LMF2: variants seen among roughly 807,000 people sequenced by gnomAD.
LMF2 encodes the protein transmembrane protein 112B.
LMF2 carries 113 observed loss-of-function variants against 81.5 expected under a neutral mutation model. That is an observed-to-expected ratio of 1.39 (90% CI 1.19 to 1.62). The LOEUF (loss-of-function observed/expected upper bound fraction) is 1.62. Among genes scored for constraint, LMF2 ranks in the 40% most tolerant of loss-of-function variants. LMF2 has a pLI of 0.00. For synonymous variants in LMF2, 645 were observed against 424.5 expected (o/e 1.52, Z -6.39); for missense variants, 1,235 against 929.1 (o/e 1.33, Z -4.28).
In LMF2 at chr22:50,505,045, A is replaced by T; in HGVS notation, c.1254+12T>A. On this transcript the variant is annotated intron_variant, in intron 9 of 13. Coordinates refer to ENST00000474879, the MANE Select transcript of LMF2 (RefSeq NM_033200.3). ...CCCCCAGCCCATCCCCCAGCCCTGC[A>T]GCGCTACCCACCAGGCTAATCAGGA... The T allele has an allele frequency of 6.2e-7, 1 of 1,612,818 alleles. No homozygotes were observed. The highest frequency in any genetic ancestry group is 8.5e-7 in the Non-Finnish European group (1 of 1,179,904).
At position 50,503,675 on chromosome 22, in the gene LMF2, TG is replaced by T. The variant is rs2068466345; in HGVS notation, c.1839del (p.Ser614AlafsTer43). 2 of 1,173,460 alleles carry T rather than the reference TG, an allele frequency of 1.7e-6. No individual in the cohort carries two copies. Among genetic ancestry groups the T allele is most frequent in the African/African-American group, 3.4e-5 (2 of 58,374 alleles). The allele number at this position is 1,173,460 out of a possible 1,614,324, so 72.7% of individuals were successfully genotyped here. A position where few individuals can be genotyped will look rare whatever the true frequency, so the allele number is the denominator to read the frequency against. On this transcript the variant is annotated frameshift_variant, in exon 14 of 14. Coordinates refer to ENST00000474879, the MANE Select transcript of LMF2 (RefSeq NM_033200.3). LOFTEE classifies it low-confidence loss of function (END_TRUNC). ...GLQEKSPPRT[R>X]SANSTLAQAL... ...GCCTGGGCCAGGGTGCTGTTGGCGC[TG>T]CGGGTGCGAGGTGGGCTTTTCTCCT...
In LMF2 at chr22:50,506,032, CA is replaced by C; in HGVS notation, c.774+2del. On this transcript the variant is annotated splice_donor_variant, in intron 5 of 13. Transcript: ENST00000474879. LOFTEE classifies it high-confidence loss of function. ...CTCTCTGACAGCTGCGGCCCTCACC[CA>C]CCTGCGAGTAGAAAGCAGCCAAGCG... The C allele has an allele frequency of 1.3e-6, 2 of 1,579,864 alleles. No homozygotes were observed. Among genetic ancestry groups the C allele is most frequent in the Non-Finnish European group, 1.7e-6 (2 of 1,162,870 alleles).
rs759447107 is a variant in LMF2, at chr22:50,506,282, C to G, written c.595+3G>C. The G allele has an allele frequency of 6.5e-7, 1 of 1,548,854 alleles. No individual in the cohort carries two copies. The highest frequency in any genetic ancestry group is 8.7e-7 in the Non-Finnish European group (1 of 1,146,146). ...TACCCCAGGTCCAGACCGGGCCCCT[C>G]ACCAGTGAGCCCCCACCACGCAGGG... On this transcript the variant is annotated splice_donor_region_variant and intron_variant, in intron 4 of 13. Coordinates refer to ENST00000474879, the MANE Select transcript of LMF2 (RefSeq NM_033200.3).
At chr22:50,505,026 G>A (rs777556873) in intron 9 of LMF2, 31 bp downstream of exon 9, 6 of 1,612,382 alleles carry the variant, frequency 3.7e-6, no homozygotes, top group Non-Finnish European at 5.1e-6. Flanking sequence ...CCTGCCCCCA[G>A]CCCATCCCCC....
At position 50,506,753 on chromosome 22, in the gene LMF2, A is replaced by G. The variant is rs746552980; in HGVS notation, c.348+29T>C. On this transcript the variant is annotated intron_variant, in intron 2 of 13. Coordinates refer to ENST00000474879, the MANE Select transcript of LMF2 (RefSeq NM_033200.3). ...GGGGTGGGTGGTGGGGGTTGGAGAT[A>G]GAGTGAGCTGGTCACAGGTCCCACT... is the stretch of plus-strand genomic sequence containing the variant. The G allele has an allele frequency of 5.0e-6, 8 of 1,612,406 alleles. No individual in the cohort carries two copies. The East Asian group carries it at 1.6e-4, about 31-fold the overall frequency.
In LMF2 at chr22:50,505,045, A is replaced by G. The variant is rs935910869; in HGVS notation, c.1254+12T>C. 74 of 1,612,700 alleles carry G rather than the reference A, an allele frequency of 4.6e-5. No homozygotes were observed. Among genetic ancestry groups the G allele is most frequent in the Non-Finnish European group, 6.0e-5 (71 of 1,179,912 alleles). Reference sequence around the variant, plus strand: ...CCCCCAGCCCATCCCCCAGCCCTGCAGCGCTACCCACCAGGCTAATCAGGA... The same window carrying G: ...CCCCCAGCCCATCCCCCAGCCCTGCGGCGCTACCCACCAGGCTAATCAGGA... On this transcript the variant is annotated intron_variant, in intron 9 of 13. Transcript: ENST00000474879.
chr22:50,505,493 G>A lies in LMF2; in HGVS notation c.961C>T (p.Leu321=), dbSNP rs778667226. The A allele has an allele frequency of 8.1e-6, 13 of 1,612,838 alleles. No homozygotes were observed. The highest frequency in any genetic ancestry group is 1.0e-5 in the Non-Finnish European group (12 of 1,180,022). The change falls in exon 7 of 14, where the codon CTA becomes TTA. Residue 321 remains leucine, a synonymous_variant. Transcript: ENST00000474879. ...TAGGCCAGAAGCCCGTAGACGGCTA[G>A]TTCCAGCAGCAGCGACAGGGTGGCC... ...LLATLSLLLE[L]AVYGLLAYGT...
chr22:50,505,551 C>T lies in LMF2; in HGVS notation c.917-14G>A, dbSNP rs1054468850. On this transcript the variant is annotated splice_polypyrimidine_tract_variant and intron_variant, in intron 6 of 13. Coordinates refer to ENST00000474879, the MANE Select transcript of LMF2 (RefSeq NM_033200.3). ...CCTTGGGCCAGGCTGTGGGGCAGGA[C>T]AGTCATGGGTCAGCAGAGGGTCCCC... 2.5e-6 allele frequency: 4 copies of T among 1,612,294 alleles called. No homozygotes were observed. The highest frequency in any genetic ancestry group is 3.4e-6 in the Non-Finnish European group (4 of 1,179,964).
chr22:50,503,077 G>A lies in LMF2; in HGVS notation c.*314C>T, dbSNP rs757884078. ...GAGTCAGCCTCTTCCCCTCTGGCACGGGGCCTAGGGTTGGGGGCTCTAGAC... is the reference window on the plus strand; with the variant it reads ...GAGTCAGCCTCTTCCCCTCTGGCACAGGGCCTAGGGTTGGGGGCTCTAGAC... On this transcript the variant is annotated 3_prime_UTR_variant, in exon 14 of 14. Coordinates refer to ENST00000474879, the MANE Select transcript of LMF2 (RefSeq NM_033200.3). 39 of 343,648 alleles carry A rather than the reference G, an allele frequency of 1.1e-4. No homozygotes were observed. The highest frequency in any genetic ancestry group is 1.7e-4 in the African/African-American group (8 of 46,252). 21.3% of individuals were successfully genotyped at this position (343,648 alleles called of 1,614,324 possible).
chr22:50,507,341 C>T lies in LMF2; in HGVS notation c.94+241G>A, dbSNP rs558527088. The T allele has an allele frequency of 2.2e-5, 13 of 604,576 alleles. 1 individual carries two copies. The African/African-American group carries it at 2.4e-4, about 11-fold the overall frequency. 37.5% of individuals were successfully genotyped at this position (604,576 alleles called of 1,614,324 possible). On this transcript the variant is annotated intron_variant, in intron 1 of 13. Coordinates refer to ENST00000474879, the MANE Select transcript of LMF2 (RefSeq NM_033200.3). The stretch of plus-strand genomic sequence containing the variant: ...CCAGGTCTGGGAGGAAGCCTCTCTC[C>T]CACCTCTCTCAGAGTTCTGTCCCCC...
intron 9 of LMF2, 33 bp from the exon 10 acceptor site, chr22:50,505,017 C>G (rs2068520194): frequency 1.9e-6 from 3 of 1,612,284 alleles, no homozygotes; most frequent in Non-Finnish European, 2.5e-6. Context: ...CAGGGCTGCC[C>G]TGCCCCCAGC....
In LMF2 at chr22:50,504,649, A is replaced by G; in HGVS notation, c.1516T>C (p.Trp506Arg). 1.2e-6 allele frequency: 2 copies of G among 1,608,806 alleles called. No homozygotes were observed. The highest frequency in any genetic ancestry group is 2.2e-5 in the East Asian group (1 of 44,858). ...CCCAGGGCTGCAAACCACATCTGCCAGTCCAGGCGTGGCTGGTGGGGCACC... is the reference window on the plus strand; with the variant it reads ...CCCAGGGCTGCAAACCACATCTGCCGGTCCAGGCGTGGCTGGTGGGGCACC... ...VVVPHQPRLD[W>R]QMWFAALGPH... The change falls in exon 11 of 14, where the codon TGG becomes CGG. Residue 506 changes from tryptophan (W) to arginine (R), a missense_variant. Physicochemically the swap from Trp to Arg is moderately radical, Grantham distance 101. Transcript: ENST00000474879.
Position 50,506,693 on chromosome 22 carries a change from C to T in LMF2, c.349-27G>A, listed in dbSNP as rs374366490. On this transcript the variant is annotated intron_variant, in intron 2 of 13. Coordinates refer to ENST00000474879, the MANE Select transcript of LMF2 (RefSeq NM_033200.3). ...TGCGGAGAGAGGGGCTGTCAGGGAGCGGGTGTGTCTGTGGACTCAGGTAAG... is the reference window on the plus strand; with the variant it reads ...TGCGGAGAGAGGGGCTGTCAGGGAGTGGGTGTGTCTGTGGACTCAGGTAAG... The T allele has an allele frequency of 2.2e-5, 36 of 1,613,488 alleles. No homozygotes were observed. The African/African-American group carries it at 3.1e-4, about 14-fold the overall frequency.
rs766929273 is a variant in LMF2, at chr22:50,506,929, CG to C, written c.200del (p.Ala67GlyfsTer15). ...LWETPTLLWE[A>X]PRLGLDTAQG... ...GGGCCGTGTCCAGCCCCAGTCTCGG[CG>C]CTTCCCACAGCAGCGTCGGGGTCTC... On this transcript the variant is annotated frameshift_variant, in exon 2 of 14. Coordinates refer to ENST00000474879, the MANE Select transcript of LMF2 (RefSeq NM_033200.3). LOFTEE classifies it high-confidence loss of function. 6.3e-7 allele frequency: 1 copy of C among 1,580,354 alleles called. No individual in the cohort carries two copies. The highest frequency in any genetic ancestry group is 1.1e-5 in the South Asian group (1 of 87,848).
intron 11 of LMF2, 44 bp from the exon 12 acceptor site, chr22:50,504,495 G>GCCCCCCCCCCCCCCCCCCCCCCC: frequency 2.2e-6 from 3 of 1,339,592 alleles, no homozygotes; most frequent in South Asian, 1.2e-5. Context: ...TACCCGCCCT[G>GCCCCCCCCCCCCCCCCCCCCCCC]CCCCTCCCCT....
Position 50,506,388 on chromosome 22 carries a change from T to C in LMF2, c.492A>G (p.Glu164=). ...QGRQAGALPH[E]DLPFWLVRWL... Reference sequence around the variant, plus strand: ...ATCGCACCAGCCAGAAGGGGAGGTCTTCGTGGGGCAGGGCCCCTGCCTGCC... The same window carrying C: ...ATCGCACCAGCCAGAAGGGGAGGTCCTCGTGGGGCAGGGCCCCTGCCTGCC... The change falls in exon 4 of 14, where the codon GAA becomes GAG. Residue 164 remains glutamate (E), a synonymous_variant. Transcript: ENST00000474879. The C allele has an allele frequency of 6.5e-7, 1 of 1,549,902 alleles. No individual in the cohort carries two copies. The highest frequency in any genetic ancestry group is 8.7e-7 in the Non-Finnish European group (1 of 1,147,284).
Position 50,505,785 on chromosome 22 carries a change from C to T in LMF2, c.805G>A (p.Gly269Ser), listed in dbSNP as rs750604911. 19 of 1,613,054 alleles carry T rather than the reference C, an allele frequency of 1.2e-5. No homozygotes were observed. The highest frequency in any genetic ancestry group is 5.3e-5 in the African/African-American group (4 of 74,918). ...VLLQVLIIITGNYNFFNLMTL... is the reference protein window; with the variant it reads ...VLLQVLIIITSNYNFFNLMTL... ...ATCAGGTTGAAGAAGTTGTAGTTGCCGGTGATGATAATCAGGACCTGCAGC... is the reference window on the plus strand; with the variant it reads ...ATCAGGTTGAAGAAGTTGTAGTTGCTGGTGATGATAATCAGGACCTGCAGC... Residue 269 changes from glycine (G) to serine (S), a missense_variant, in exon 6 of 14, where the codon GGC becomes AGC. Gly to Ser is a moderately conservative substitution (Grantham distance 56, BLOSUM62 0). Coordinates refer to ENST00000474879, the MANE Select transcript of LMF2 (RefSeq NM_033200.3).
At chr22:50,504,052 A>AC (rs1455619856) in intron 12 of LMF2, 148 bp from the exon 13 acceptor site, 29 of 572,494 alleles carry the variant, frequency 5.1e-5, no homozygotes, top group East Asian at 4.6e-4. Flanking sequence ...CGGGCTCCAC[A>AC]CCCCACCCGG....
rs368716531 is a variant in LMF2, at chr22:50,503,800, C to T, written c.1815+8G>A. 6.2e-7 allele frequency: 1 copy of T among 1,604,132 alleles called. No homozygotes were observed. The highest frequency in any genetic ancestry group is 8.5e-7 in the Non-Finnish European group (1 of 1,178,960). ...CCACCTCCCCCAGCCTGGCTGACAC[C>T]CCCTTACCTGTAGTCCAAACTGCCT... On this transcript the variant is annotated splice_region_variant and intron_variant, in intron 13 of 13. Transcript: ENST00000474879.
Sources: gnomAD v4.1 joint callset for allele counts on GRCh38, gnomAD v4.1.1 for gene constraint, MANE v1.5 for transcripts, NCBI Gene and HGNC (gene_info 2026-07-23, HGNC 2026-07-21) for gene names.